Variants in CTNS observed in about 807,000 individuals in gnomAD.
The protein encoded by CTNS is cystinosin.
Under a neutral mutation model 43.7 loss-of-function variants are expected in CTNS, and 27 were observed. That is an observed-to-expected ratio of 0.62 (90% CI 0.46 to 0.85). CTNS has a LOEUF of 0.85. Ranked by LOEUF, CTNS falls within the 40% of genes least tolerant of loss-of-function variation. The probability of loss-of-function intolerance (pLI) is 0.00; values close to 1 mark genes in which losing one functional copy is unlikely to be tolerated. For missense variants in CTNS, 457 were observed against 475.4 expected (o/e 0.96, Z 0.36); for synonymous variants, 187 against 190.6 (o/e 0.98, Z 0.16).
chr17:3,640,047 C>T lies in CTNS; in HGVS notation c.-19-141C>T, dbSNP rs775086881. ...CCTCTCTAGGGTGTCCCTCTGAGGC[C>T]GTGATGCAAAGCCCTGAGGTCACAG... On this transcript the variant is annotated intron_variant, in intron 2 of 11. Coordinates refer to ENST00000046640, the MANE Select transcript of CTNS (RefSeq NM_004937.3). The T allele has an allele frequency of 2.9e-4, 210 of 730,258 alleles. No homozygotes were observed. In the African/African-American group the frequency reaches 2.9e-3, roughly 10 times the overall value. The allele number at this position is 730,258 out of a possible 1,614,324, so 45.2% of individuals were successfully genotyped here. A position where few individuals can be genotyped will look rare whatever the true frequency, so the allele number is the denominator to read the frequency against.
In CTNS at chr17:3,661,151, G is replaced by A. The variant is rs373151543; in HGVS notation, c.*782G>A. On this transcript the variant is annotated 3_prime_UTR_variant, in exon 12 of 12. Coordinates refer to ENST00000046640, the MANE Select transcript of CTNS (RefSeq NM_004937.3). Reference sequence around the variant, plus strand: ...CCAGCTGCTCCTTACCCAGCATCTGGAGTACAGGACATAGCTCTCTCCTGC... The same window carrying A: ...CCAGCTGCTCCTTACCCAGCATCTGAAGTACAGGACATAGCTCTCTCCTGC... 1.0e-4 allele frequency: 33 copies of A among 323,904 alleles called. No individual in the cohort carries two copies. The highest frequency in any genetic ancestry group is 7.3e-4 in the Admixed American group (17 of 23,146). The allele number at this position is 323,904 out of a possible 1,614,324, so 20.1% of individuals were successfully genotyped here.
chr17:3,659,898 G>A lies in CTNS; in HGVS notation c.893G>A (p.Ser298Asn), dbSNP rs1212133760. The change falls in exon 11 of 12, where the codon AGC (serine) becomes AAC (asparagine). Residue 298 changes from serine (S) to asparagine (N), a missense_variant. Physicochemically the swap from Ser to Asn is conservative, Grantham distance 46. Coordinates refer to ENST00000046640, the MANE Select transcript of CTNS (RefSeq NM_004937.3). ...TACTACAAAAGCACTGAGGGCTGGA[G>A]CATTGGCAACGTGCTCCTGGACTTC... ...NFYYKSTEGW[S>N]IGNVLLDFTG... The A allele has an allele frequency of 2.5e-6, 4 of 1,613,992 alleles. No individual in the cohort carries two copies. Among genetic ancestry groups the A allele is most frequent in the Non-Finnish European group, 3.4e-6 (4 of 1,179,994 alleles).
At chr17:3,641,384 A>ATATATATATATATATATATATATTTT (rs1555558526) in intron 3 of CTNS, among the ~76,000 whole-genome samples, 1 of 31,202 alleles carries the variant, frequency 3.2e-5, no homozygotes, top group Non-Finnish European at 4.5e-5. Context: ...ATATATATAT[A>ATATATATATATATATATATATATTTT]TTTTTTTTTT....
chr17:3,659,142 C>T (rs2076225842), intron 10 of CTNS, among the ~76,000 whole-genome samples: 1 of 152,132 alleles, frequency 6.6e-6, no homozygotes, highest in Non-Finnish European at 1.5e-5. Flanking sequence ...CAGACAGGGA[C>T]TGACTAGAGG....
At chr17:3,656,610 C>G (rs780255290) in intron 8 of CTNS, 24 bp downstream of exon 8, 15 of 1,612,456 alleles carry the variant, frequency 9.3e-6, no homozygotes, top group Non-Finnish European at 1.3e-5. Flanking sequence ...TGCCCTACAT[C>G]TCTGCCCACA....
chr17:3,640,236 C>A lies in CTNS; in HGVS notation c.30C>A (p.Ile10=), dbSNP rs2075651822. Residue 10 remains isoleucine, a synonymous_variant, in exon 3 of 12, where the codon ATC becomes ATA. Transcript: ENST00000046640. ...TAAGGAATTGGCTGACTATTTTTAT[C>A]CTTTTTCCCCTGAAGCTCGTAGAGA... The part of the protein sequence containing the change: MIRNWLTIF[I]LFPLKLVEKC... 6.2e-7 allele frequency: 1 copy of A among 1,614,116 alleles called. No individual in the cohort carries two copies. Among genetic ancestry groups the A allele is most frequent in the Non-Finnish European group, 8.5e-7 (1 of 1,179,950 alleles).
Position 3,655,522 on chromosome 17 carries a change from C to T in CTNS, c.461+170C>T, listed in dbSNP as rs111810680. 36 of 923,326 alleles carry T rather than the reference C, an allele frequency of 3.9e-5. 1 individual carries two copies. The highest frequency in any genetic ancestry group is 3.5e-4 in the Middle Eastern group (1 of 2,890). The allele number at this position is 923,326 out of a possible 1,614,324, so 57.2% of individuals were successfully genotyped here. ...GCTCGGAGAGCCTGGGTCGGATTCCCGTGCTGGGCGTTTCATCCCTTGCCC... is the reference window on the plus strand; with the variant it reads ...GCTCGGAGAGCCTGGGTCGGATTCCTGTGCTGGGCGTTTCATCCCTTGCCC... On this transcript the variant is annotated intron_variant, in intron 7 of 11. Transcript: ENST00000046640.
At chr17:3,641,300 G>A (rs534821676) in intron 3 of CTNS, among the ~76,000 whole-genome samples, 3 of 143,488 alleles carry the variant, frequency 2.1e-5, no homozygotes, top group Admixed American at 7.1e-5. Flanking sequence ...CTTCAAAGGT[G>A]CCAGGCCCAT....
intron 3 of CTNS, among the ~76,000 whole-genome samples, chr17:3,643,187 G>A (rs552575056): frequency 2.0e-5 from 3 of 151,988 alleles, no homozygotes; most frequent in South Asian, 4.2e-4. Context: ...GGTGGCGGGC[G>A]CCTATAGTCC....
At chr17:3,640,167 T>C (rs1306683691) in intron 2 of CTNS, 21 bp from the exon 3 acceptor site, 1 of 1,591,150 alleles carries the variant, frequency 6.3e-7, no homozygotes, top group Admixed American at 1.7e-5. Flanking sequence ...TGAACTTCTC[T>C]CTTGCTGTTT....
chr17:3,660,161 C>G, intron 11 of CTNS, 75 bp from the exon 12 acceptor site: 1 of 1,602,666 alleles, frequency 6.2e-7, no homozygotes. Context: ...CCCCCACCGC[C>G]CACCACCCCA....
chr17:3,651,965 C>A (rs1417602169), intron 5 of CTNS, among the ~76,000 whole-genome samples: 8 of 78,946 alleles, frequency 1.0e-4, no homozygotes, highest in African/African-American at 3.3e-4. Flanking sequence ...CAGAATGAGA[C>A]CCTGTCTCAA....
intron 5 of CTNS, among the ~76,000 whole-genome samples, chr17:3,651,253 C>G (rs1483632119): frequency 6.6e-6 from 1 of 151,918 alleles, no homozygotes; most frequent in African/African-American, 2.4e-5. Context: ...CACCACCACA[C>G]CCGGCTAATT....
chr17:3,647,589 C>T (rs2075875011), intron 4 of CTNS, 67 bp downstream of exon 4: 2 of 1,386,782 alleles, frequency 1.4e-6, no homozygotes, highest in Non-Finnish European at 1.0e-6. Flanking sequence ...AGGGCTGACC[C>T]CTGGCTCAGT....
Position 3,656,787 on chromosome 17 carries a change from C to T in CTNS, c.673C>T (p.Leu225=). The T allele has an allele frequency of 5.6e-6, 9 of 1,613,282 alleles. No individual in the cohort carries two copies. The highest frequency in any genetic ancestry group is 8.5e-7 in the Non-Finnish European group (1 of 1,179,986). Residue 225 remains leucine (L), a synonymous_variant, in exon 9 of 12, where the codon CTG becomes TTG. Transcript: ENST00000046640. Reference sequence around the variant, plus strand: ...GCTGATCATCATCGTGCAGTGCTGCCTGTATGAGGTGAGACCAGCCCTGGC... The same window carrying T: ...GCTGATCATCATCGTGCAGTGCTGCTTGTATGAGGTGAGACCAGCCCTGGC... ...LTLIIIVQCC[L]YERGGQRVSW...
intron 3 of CTNS, among the ~76,000 whole-genome samples, chr17:3,642,018 C>T (rs919135757): frequency 5.9e-5 from 8 of 136,494 alleles, no homozygotes; most frequent in Non-Finnish European, 8.0e-5. Context: ...TGGGAGTGTG[C>T]GCGCGCGTGT....
At position 3,660,220 on chromosome 17, in the gene CTNS, C is replaced by T. The variant is rs755473500; in HGVS notation, c.971-16C>T. The T allele has an allele frequency of 1.7e-5, 27 of 1,614,072 alleles. No individual in the cohort carries two copies. The highest frequency in any genetic ancestry group is 2.3e-5 in the Non-Finnish European group (27 of 1,180,038). On this transcript the variant is annotated splice_polypyrimidine_tract_variant and intron_variant, in intron 11 of 11. Coordinates refer to ENST00000046640, the MANE Select transcript of CTNS (RefSeq NM_004937.3). ...TGCCAACCTAACACCAGCTTCTGTC[C>T]CCCGGCTGCTAACAGACCAGTGGAC...
At chr17:3,658,526 G>C (rs1260703820) in intron 10 of CTNS, among the ~76,000 whole-genome samples, 1 of 152,226 alleles carries the variant, frequency 6.6e-6, no homozygotes, top group Admixed American at 6.5e-5. Flanking sequence ...GAGAGGTGAG[G>C]TGGGAGGAGG....
In CTNS at chr17:3,656,545, A is replaced by G. The variant is rs761945522; in HGVS notation, c.520A>G (p.Ser174Gly). ...ALNLTGFVAY[S>G]VFNIGLLWVP... is the part of the protein sequence containing the mutation. ...GAACCTGACGGGCTTCGTGGCCTACAGTGTATTCAACATCGGCCTCCTCTG... is the reference window on the plus strand; with the variant it reads ...GAACCTGACGGGCTTCGTGGCCTACGGTGTATTCAACATCGGCCTCCTCTG... Residue 174 changes from serine (S) to glycine (G), a missense_variant, in exon 8 of 12, where the codon AGT becomes GGT. Coordinates refer to ENST00000046640, the MANE Select transcript of CTNS (RefSeq NM_004937.3). The G allele has an allele frequency of 5.6e-6, 9 of 1,608,202 alleles. No homozygotes were observed. Among genetic ancestry groups the G allele is most frequent in the Non-Finnish European group, 5.1e-6 (6 of 1,178,714 alleles).
Sources: allele counts gnomAD v4.1 joint callset (sites outside exome capture counted in the v4.1 genomes callset), GRCh38; gene constraint gnomAD v4.1.1; transcripts MANE v1.5; gene names NCBI Gene and HGNC (gene_info 2026-07-23, HGNC 2026-07-21).